The following NUP54 variants were observed in gnomAD, a reference collection of about 807,000 sequenced individuals.
NUP54 encodes nucleoporin p54.
Under a neutral mutation model 66.4 loss-of-function variants are expected in NUP54, and 27 were observed. The observed-to-expected ratio is 0.41, with a 90% confidence interval of 0.30 to 0.56. NUP54 has a LOEUF of 0.56. Ranked by LOEUF, NUP54 falls within the 20% of genes least tolerant of loss-of-function variation. NUP54 has a pLI of 0.34. For synonymous variants in NUP54, 206 were observed against 210.7 expected (o/e 0.98, Z 0.19); for missense variants, 486 against 596.3 (o/e 0.82, Z 1.93).
intron 9 of NUP54, among the ~76,000 whole-genome samples, chr4:76,122,496 A>C (rs1011532181): frequency 2.0e-5 from 3 of 152,216 alleles, no homozygotes; most frequent in Non-Finnish European, 2.9e-5. Context: ...ATGTTATATA[A>C]ATAGAATCAT....
chr4:76,145,626 A>T, intron 1 of NUP54: 1 of 1,210,070 alleles, frequency 8.3e-7, no homozygotes, highest in Non-Finnish European at 1.1e-6. Context: ...CCAATCTAAA[A>T]TTGTTTTGTT....
At position 76,140,694 on chromosome 4, in the gene NUP54, T is replaced by C. The variant is rs114542221; in HGVS notation, c.295+3455A>G. 5.8e-3 allele frequency among the ~76,000 whole-genome samples: 876 copies of C among 152,302 alleles called. 12 individuals carry two copies. Among genetic ancestry groups the C allele is most frequent in the African/African-American group, 0.02 (836 of 41,576 alleles). On this transcript the variant is annotated intron_variant, in intron 3 of 11. Transcript: ENST00000264883. Reference sequence around the variant, plus strand: ...CTGCTATAGAAAGCAGGAGAATAAGTTGAAAGTAGAAATTTCACAGGATTA... The same window carrying C: ...CTGCTATAGAAAGCAGGAGAATAAGCTGAAAGTAGAAATTTCACAGGATTA...
intron 3 of NUP54, among the ~76,000 whole-genome samples, chr4:76,138,856 G>A (rs1186166507): frequency 6.6e-6 from 1 of 152,168 alleles, no homozygotes; most frequent in Non-Finnish European, 1.5e-5. Flanking sequence ...CTAGACTGGA[G>A]TGTCACAGAA....
At position 76,130,732 on chromosome 4, in the gene NUP54, A is replaced by G; in HGVS notation, c.980T>C (p.Met327Thr). Reference protein sequence around the residue: ...PDSEKLIPVPMVGFKELLRRL... With the variant: ...PDSEKLIPVPTVGFKELLRRL... ...TCGGAGAAGTTCCTTAAAACCCACCATTGGTACAGGAATTAACCTGAAGAA... is the reference window on the plus strand; with the variant it reads ...TCGGAGAAGTTCCTTAAAACCCACCGTTGGTACAGGAATTAACCTGAAGAA... Residue 327 changes from methionine to threonine, a missense_variant, in exon 8 of 12, where the codon ATG becomes ACG. Met to Thr is a moderately conservative substitution (Grantham distance 81). Around this residue, in one of 4 missense-constraint regions of NUP54, gnomAD observed 217 missense variants for 247.9 expected, o/e 0.88. Transcript: ENST00000264883. 2 of 1,612,762 alleles carry G rather than the reference A, an allele frequency of 1.2e-6. No homozygotes were observed. Among genetic ancestry groups the G allele is most frequent in the South Asian group, 2.2e-5 (2 of 91,018 alleles).
intron 3 of NUP54, among the ~76,000 whole-genome samples, chr4:76,137,692 TA>T (rs1241486299): frequency 2.0e-5 from 3 of 152,200 alleles, no homozygotes; most frequent in Non-Finnish European, 2.9e-5. Flanking sequence ...GCCAAGTTCT[TA>T]GGGCAGATAA....
chr4:76,148,175 C>T (rs1731594013), intron 1 of NUP54, 133 bp downstream of exon 1: 3 of 716,078 alleles, frequency 4.2e-6, no homozygotes, highest in Non-Finnish European at 6.1e-6. Flanking sequence ...CGCCGCCCGC[C>T]CTTTTCCAAT....
chr4:76,121,998 T>G (rs1056925220), intron 9 of NUP54, among the ~76,000 whole-genome samples: 1 of 152,246 alleles, frequency 6.6e-6, no homozygotes, highest in African/African-American at 2.4e-5. Context: ...CAACAAATAA[T>G]GATGATAATA....
chr4:76,125,318 A>ACT (rs1560678332), intron 8 of NUP54, among the ~76,000 whole-genome samples: 1 of 54,854 alleles, frequency 1.8e-5, no homozygotes. Context: ...AGACTCCATC[A>ACT]CACACACACA....
At chr4:76,142,479 G>T (rs1454156344) in intron 3 of NUP54, among the ~76,000 whole-genome samples, 1 of 152,188 alleles carries the variant, frequency 6.6e-6, no homozygotes, top group Non-Finnish European at 1.5e-5. Context: ...TTGGAAAAGT[G>T]AAAAGAGCAC....
chr4:76,133,467 G>A (rs199601780), intron 5 of NUP54, among the ~76,000 whole-genome samples: 8 of 151,850 alleles, frequency 5.3e-5, no homozygotes, highest in East Asian at 1.9e-4. Context: ...CACCACGCCC[G>A]GCTGATTTTT....
intron 11 of NUP54, among the ~76,000 whole-genome samples, chr4:76,116,547 A>G (rs779149812): frequency 2.6e-5 from 4 of 152,184 alleles, no homozygotes; most frequent in Non-Finnish European, 5.9e-5. Context: ...TTTTCACACA[A>G]TGTGAAAACC....
At chr4:76,125,234 C>T (rs888423186) in intron 8 of NUP54, among the ~76,000 whole-genome samples, 3 of 132,584 alleles carry the variant, frequency 2.3e-5, no homozygotes, top group Non-Finnish European at 5.2e-5. Flanking sequence ...GAGCCGAGAT[C>T]GTGCCACTGC....
Position 76,124,776 on chromosome 4 carries a change from G to C in NUP54, c.1057-20C>G. 1.4e-6 allele frequency: 1 copy of C among 736,566 alleles called. No individual in the cohort carries two copies. The highest frequency in any genetic ancestry group is 1.5e-5 in the South Asian group (1 of 68,074). 45.6% of individuals were successfully genotyped at this position (736,566 alleles called of 1,614,324 possible). On this transcript the variant is annotated intron_variant, in intron 8 of 11. Transcript: ENST00000264883. ...TATGATCTGTTTAAAAAAAAATTGG[G>C]GGGGGGAGGGTTAATCAAATATCAC...
intron 9 of NUP54, 99 bp from the exon 10 acceptor site, chr4:76,118,293 TCAAA>T: frequency 8.9e-7 from 1 of 1,122,744 alleles, no homozygotes; most frequent in Non-Finnish European, 1.3e-6. Flanking sequence ...CAGCTGAAAA[TCAAA>T]CAACAGTAGG....
Position 76,118,201 on chromosome 4 carries a change from A to AGATGTAGTTTGATTCTTTTGTAGCTCACT in NUP54, c.1165-8_1165-7insAGTGAGCTACAAAAGAATCAAACTACATC, listed in dbSNP as rs1730040718. ...TTTCCTGTTTGATTAGGACCTATAC[A>AGATGTAGTTTGATTCTTTTGTAGCTCACT]AATAAAAACCACCAATAACAACAGA... On this transcript the variant is annotated splice_region_variant and splice_polypyrimidine_tract_variant and intron_variant, in intron 9 of 11. Coordinates refer to ENST00000264883, the MANE Select transcript of NUP54 (RefSeq NM_017426.4). The AGATGTAGTTTGATTCTTTTGTAGCTCACT allele has an allele frequency of 6.2e-7, 1 of 1,610,976 alleles. No homozygotes were observed. Among genetic ancestry groups the AGATGTAGTTTGATTCTTTTGTAGCTCACT allele is most frequent in the African/African-American group, 1.3e-5 (1 of 74,854 alleles).
At chr4:76,144,564 TA>T in intron 1 of NUP54, 91 bp from the exon 2 acceptor site, 1 of 945,936 alleles carries the variant, frequency 1.1e-6, no homozygotes, top group Non-Finnish European at 1.5e-6. Flanking sequence ...TTGCTACATA[TA>T]AAATCAAAAT....
At chr4:76,146,219 C>T in intron 1 of NUP54, 1 of 296,292 alleles carries the variant, frequency 3.4e-6, no homozygotes, top group Non-Finnish European at 6.8e-6. Flanking sequence ...AAACATATTA[C>T]ATTATCATAA....
intron 9 of NUP54, among the ~76,000 whole-genome samples, chr4:76,122,766 C>T (rs1730290409): frequency 1.3e-5 from 2 of 152,068 alleles, no homozygotes; most frequent in Admixed American, 6.5e-5. Flanking sequence ...ATTTTAATAG[C>T]AATATTATTC....
Position 76,132,721 on chromosome 4 carries a change from T to C in NUP54, c.711-2A>G. ...ACAACATAAATAACAACTTCTGTCC[T>C]GAAGGAAGAATAACCAATTTATAAA... On this transcript the variant is annotated splice_acceptor_variant, in intron 5 of 11. Transcript: ENST00000264883. LOFTEE classifies it high-confidence loss of function. 1 of 1,603,086 alleles carries C rather than the reference T, an allele frequency of 6.2e-7. No individual in the cohort carries two copies. Among genetic ancestry groups the C allele is most frequent in the Non-Finnish European group, 8.5e-7 (1 of 1,174,628 alleles).
Sources: gnomAD v4.1 joint callset for allele counts (sites outside exome capture counted in the v4.1 genomes callset) on GRCh38, gnomAD v4.1.1 for gene constraint, gnomAD v4.1.1 regional missense constraint, MANE v1.5 for transcripts, NCBI Gene and HGNC (gene_info 2026-07-23, HGNC 2026-07-21) for gene names.